FAT3: variants seen among roughly 807,000 people sequenced by gnomAD.
The protein encoded by FAT3 is FAT atypical cadherin 3, also known as protocadherin Fat 3.
FAT3 carries 95 observed loss-of-function variants against 310.2 expected under a neutral mutation model. That is an observed-to-expected ratio of 0.31 (90% CI 0.26 to 0.36). FAT3 has a LOEUF of 0.36. Ranked by LOEUF, FAT3 falls within the 10% of genes least tolerant of loss-of-function variation. The probability of loss-of-function intolerance (pLI) is 1.00; values close to 1 mark genes in which losing one functional copy is unlikely to be tolerated. For synonymous variants in FAT3, 2,314 were observed against 2,192.9 expected (o/e 1.06, Z -1.54); for missense variants, 5,408 against 5,715.6 (o/e 0.95, Z 1.74).
At chr11:92,332,627 T>C (rs1947949930) in intron 1 of FAT3, among the ~76,000 whole-genome samples, 1 of 152,156 alleles carries the variant, frequency 6.6e-6, no homozygotes, top group Non-Finnish European at 1.5e-5. Context: ...CCCATGACTG[T>C]ATTCTCTCCC....
intron 9 of FAT3, among the ~76,000 whole-genome samples, chr11:92,794,047 A>G (rs1947103821): frequency 6.6e-6 from 1 of 152,198 alleles, no homozygotes; most frequent in Non-Finnish European, 1.5e-5. Context: ...GAAAAAGAAA[A>G]GACATGAGTT....
At chr11:92,372,116 G>T (rs1949202700) in intron 2 of FAT3, among the ~76,000 whole-genome samples, 1 of 152,138 alleles carries the variant, frequency 6.6e-6, no homozygotes, top group African/African-American at 2.4e-5. Context: ...GCTGCCTCCT[G>T]CCCATTTCTG....
chr11:92,315,512 T>TATATATATATAGAGAGAG (rs1353970811), intron 1 of FAT3, among the ~76,000 whole-genome samples: 1 of 56,176 alleles, frequency 1.8e-5, no homozygotes, highest in Non-Finnish European at 3.3e-5. Flanking sequence ...TATATATATA[T>TATATATATATAGAGAGAG]AGAGAGAGAG....
Position 92,509,704 on chromosome 11 carries a change from G to A in FAT3, c.3293-14930G>A, listed in dbSNP as rs563238566. Among the ~76,000 whole-genome samples the A allele has an allele frequency of 1.5e-3, 223 of 152,248 alleles. 1 individual carries two copies. The highest frequency in any genetic ancestry group is 0.01 in the Middle Eastern group (3 of 294). On this transcript the variant is annotated intron_variant, in intron 2 of 27. Transcript: ENST00000525166. ...TTATTAATGCGGAAAGATGTTCCAT[G>A]TACAATGGTGAGAATATATTAAGGA... is the stretch of plus-strand genomic sequence containing the variant.
chr11:92,832,071 C>A, intron 14 of FAT3, 60 bp downstream of exon 14: 1 of 1,469,902 alleles, frequency 6.8e-7, no homozygotes. Context: ...TGGCTCACAC[C>A]TGTAAACCTA....
At chr11:92,243,571 C>A (rs2054215) in intron 1 of FAT3, among the ~76,000 whole-genome samples, 34,760 of 151,882 alleles carry the variant, frequency 0.23, 4,108 homozygotes, top group East Asian at 0.38. Flanking sequence ...TTGCATCCTG[C>A]CAAATTTATT....
rs539529099 is a variant in FAT3 at position 92,225,239 on chromosome 11, G to C, written c.-18+65G>C. On this transcript the variant is annotated intron_variant, in intron 1 of 27. Coordinates refer to ENST00000525166, the MANE Select transcript of FAT3 (RefSeq NM_001367949.2). ...TGCACCGACTGGAGCGCGCCTGCCGGAGCACAGCCTCAGCTGCTGGGTGCA... is the reference window on the plus strand; with the variant it reads ...TGCACCGACTGGAGCGCGCCTGCCGCAGCACAGCCTCAGCTGCTGGGTGCA... Among the ~76,000 whole-genome samples, 27 of 152,340 alleles carry C rather than the reference G, an allele frequency of 1.8e-4. No individual in the cohort carries two copies. In the South Asian group the frequency reaches 5.4e-3, roughly 30 times the overall value.
chr11:92,729,526 AAGCAATTCTCCTGCCTC>A (rs1448208503), intron 4 of FAT3, among the ~76,000 whole-genome samples: 1 of 150,908 alleles, frequency 6.6e-6, no homozygotes, highest in Non-Finnish European at 1.5e-5. Flanking sequence ...TCCCGGGTTC[AAGCAATTCTCCTGCCTC>A]AGCCTCCCAA....
At chr11:92,512,634 A>G (rs1031451398) in intron 2 of FAT3, among the ~76,000 whole-genome samples, 2 of 146,626 alleles carry the variant, frequency 1.4e-5, no homozygotes, top group African/African-American at 5.0e-5. Context: ...TATATTTAAA[A>G]TATATATATA....
At chr11:92,469,138 T>TA (rs1951845629) in intron 2 of FAT3, among the ~76,000 whole-genome samples, 1 of 152,130 alleles carries the variant, frequency 6.6e-6, no homozygotes, top group African/African-American at 2.4e-5. Context: ...TACTGATGAT[T>TA]AAAAAATAAA....
intron 2 of FAT3, among the ~76,000 whole-genome samples, chr11:92,482,334 G>C (rs562535863): frequency 6.7e-4 from 102 of 152,276 alleles, no homozygotes; most frequent in African/African-American, 2.2e-3. Context: ...GTAGCCATTG[G>C]TAACTCTTGG....
Position 92,524,735 on chromosome 11 carries a change from A to C in FAT3, c.3394A>C (p.Ile1132Leu). The C allele has an allele frequency of 6.2e-7, 1 of 1,613,844 alleles. No homozygotes were observed. Among genetic ancestry groups the C allele is most frequent in the Non-Finnish European group, 8.5e-7 (1 of 1,179,828 alleles). Residue 1132 changes from isoleucine (I) to leucine (L), a missense_variant, in exon 3 of 28, where the codon ATT (isoleucine) becomes CTT (leucine). By Grantham distance (5) the Ile-to-Leu change is conservative (BLOSUM62 2). Around this residue, in one of 5 missense-constraint regions of FAT3, gnomAD observed 4,588 missense variants for 4,809.8 expected, o/e 0.95. Transcript: ENST00000525166. ...DRGVVPLYST[I>L]EVYIEVEDVN... ...GGGCGTTGTTCCACTCTACTCCACC[A>C]TTGAGGTCTACATTGAAGTTGAAGA... is the stretch of plus-strand genomic sequence containing the variant.
At chr11:92,887,249 C>T in intron 25 of FAT3, 136 bp downstream of exon 25, 1 of 720,622 alleles carries the variant, frequency 1.4e-6, no homozygotes, top group Non-Finnish European at 2.3e-6. Flanking sequence ...TCACCAGGTC[C>T]CTGGTTTACT....
At chr11:92,423,974 G>C (rs1591269119) in intron 2 of FAT3, among the ~76,000 whole-genome samples, 1 of 152,166 alleles carries the variant, frequency 6.6e-6, no homozygotes, top group East Asian at 1.9e-4. Flanking sequence ...CCAACAAGTG[G>C]GTCTCATGGC....
chr11:92,635,440 C>G (rs1941731146), intron 3 of FAT3, among the ~76,000 whole-genome samples: 1 of 152,098 alleles, frequency 6.6e-6, no homozygotes, highest in Non-Finnish European at 1.5e-5. Context: ...TGATAATAAG[C>G]CATATCATGA....
At chr11:92,281,944 T>C (rs2446158) in intron 1 of FAT3, among the ~76,000 whole-genome samples, 93,413 of 151,214 alleles carry the variant, frequency 0.62, 29,320 homozygotes, top group African/African-American at 0.74. Flanking sequence ...CTCTCTCTCT[T>C]GCCCAGACTA....
intron 22 of FAT3, among the ~76,000 whole-genome samples, chr11:92,867,732 T>G (rs1262945381): frequency 6.6e-6 from 1 of 152,118 alleles, no homozygotes; most frequent in Admixed American, 6.5e-5. Flanking sequence ...GAACATACTT[T>G]TGCAATGTGT....
Position 92,524,967 on chromosome 11 carries a change from G to T in FAT3, c.3607+19G>T, listed in dbSNP as rs1484529162. On this transcript the variant is annotated intron_variant, in intron 3 of 27. Coordinates refer to ENST00000525166, the MANE Select transcript of FAT3 (RefSeq NM_001367949.2). Reference sequence around the variant, plus strand: ...AAAACAGGTAAGGGAATGCTTATATGACTTCTTTTTAGTTTGTAGTCCAGC... The same window carrying T: ...AAAACAGGTAAGGGAATGCTTATATTACTTCTTTTTAGTTTGTAGTCCAGC... 1.3e-6 allele frequency: 2 copies of T among 1,599,310 alleles called. No individual in the cohort carries two copies. The highest frequency in any genetic ancestry group is 1.1e-5 in the South Asian group (1 of 90,036).
At chr11:92,374,330 C>T (rs1006199263) in intron 2 of FAT3, among the ~76,000 whole-genome samples, 6 of 152,172 alleles carry the variant, frequency 3.9e-5, no homozygotes, top group African/African-American at 1.4e-4. Flanking sequence ...ACACATTATG[C>T]ATGTTTTCCT....
Sources: allele counts gnomAD v4.1 joint callset (sites outside exome capture counted in the v4.1 genomes callset), GRCh38; gene constraint gnomAD v4.1.1; regional missense constraint gnomAD v4.1.1; transcripts MANE v1.5; gene names NCBI Gene and HGNC (gene_info 2026-07-23, HGNC 2026-07-21).